C2CD2L: variants seen among roughly 807,000 people sequenced by gnomAD.
The protein encoded by C2CD2L is C2CD2 like, also known as phospholipid transfer protein C2CD2L.
Under a neutral mutation model 69.9 loss-of-function variants are expected in C2CD2L, and 24 were observed. The observed-to-expected ratio is 0.34, with a 90% CI of 0.25 to 0.48. C2CD2L has a LOEUF of 0.48. Ranked by LOEUF, C2CD2L falls within the 20% of genes least tolerant of loss-of-function variation. The pLI is 0.99. For missense variants in C2CD2L, 811 were observed against 941.5 expected (o/e 0.86, Z 1.81); for synonymous variants, 367 against 391.0 (o/e 0.94, Z 0.72).
Position 119,110,672 on chromosome 11 carries a change from C to CGTTGGTGG in C2CD2L, c.562_563insGTTGGTGG (p.Pro188ArgfsTer33). ...CTACCACGTCACTCTGACACTGCCA[C>CGTTGGTGG]CAACACAGGTAGAAGGGGATGTGGG... On this transcript the variant is annotated frameshift_variant, in exon 3 of 14. Coordinates refer to ENST00000648610, the MANE Select transcript of C2CD2L (RefSeq NM_001290474.2). LOFTEE classifies it high-confidence loss of function. This position sits in a 1 kb window ranked among gnomAD's most constrained non-coding sequence, Gnocchi z 5.7. 1 of 1,613,910 alleles carries CGTTGGTGG rather than the reference C, an allele frequency of 6.2e-7. No individual in the cohort carries two copies. Among genetic ancestry groups the CGTTGGTGG allele is most frequent in the Non-Finnish European group, 8.5e-7 (1 of 1,180,018 alleles).
chr11:119,115,254 CAA>C (rs61085631), intron 13 of C2CD2L: 123 of 113,816 alleles, frequency 1.1e-3, no homozygotes, highest in Middle Eastern at 4.6e-3. Flanking sequence ...GACTCTGTCT[CAA>C]AAAAAAAAAA....
Position 119,111,135 on chromosome 11 carries a change from C to A in C2CD2L, c.765C>A (p.Val255=). The A allele has an allele frequency of 6.2e-7, 1 of 1,613,928 alleles. No homozygotes were observed. The highest frequency in any genetic ancestry group is 1.1e-5 in the South Asian group (1 of 91,062). ...TCAGCACCCAGCCAGCCATGATGGT[C>A]AACCTCAGGGCTTGCTCTGCCCCAG... The part of the protein sequence containing the change: ...AIVSTQPAMM[V]NLRACSAPGG... The change falls in exon 5 of 14, where the codon GTC becomes GTA. Residue 255 remains valine (V), a synonymous_variant. Transcript: ENST00000648610.
At chr11:119,105,226 C>T (rs578186387), upstream of C2CD2L, among the ~76,000 whole-genome samples, 1 of 152,242 alleles carries the variant, frequency 6.6e-6, no homozygotes, top group Admixed American at 6.5e-5. Flanking sequence ...AAAGAGATGA[C>T]TAAGACATGG....
chr11:119,105,647 GAAA>G (rs112441104), upstream of C2CD2L, among the ~76,000 whole-genome samples: 16 of 124,056 alleles, frequency 1.3e-4, no homozygotes, highest in East Asian at 1.2e-3. Flanking sequence ...CAAGAAAAGA[GAAA>G]AAAAAAAAAA....
At chr11:119,103,906 C>T (rs1592232329), upstream of C2CD2L, among the ~76,000 whole-genome samples, 4 of 152,298 alleles carry the variant, frequency 2.6e-5, no homozygotes, top group South Asian at 8.3e-4. Context: ...CCCTTTTAAA[C>T]TAGAAACTCC....
Position 119,116,246 on chromosome 11 carries a change from C to T in C2CD2L, c.2111C>T (p.Pro704Leu). ...SKPKANGNPS[P>L]QL ...CCCAAGGCCAATGGTAACCCCAGCCCCCAGCTCTGAGGACCCAGCTCTGAA... is the reference window on the plus strand; with the variant it reads ...CCCAAGGCCAATGGTAACCCCAGCCTCCAGCTCTGAGGACCCAGCTCTGAA... Residue 704 changes from proline to leucine, a missense_variant, in exon 14 of 14, where the codon CCC becomes CTC. By Grantham distance (98) the Pro-to-Leu change is moderately conservative. Transcript: ENST00000648610. The T allele has an allele frequency of 6.2e-7, 1 of 1,613,874 alleles. No individual in the cohort carries two copies. The highest frequency in any genetic ancestry group is 8.5e-7 in the Non-Finnish European group (1 of 1,179,730).
chr11:119,103,082 G>A (rs1946535165), upstream of C2CD2L, among the ~76,000 whole-genome samples: 3 of 151,806 alleles, frequency 2.0e-5, no homozygotes, highest in South Asian at 6.2e-4. Flanking sequence ...GTAGAGACGG[G>A]ATTTCCCTAT....
chr11:119,114,141 C>T lies in C2CD2L; in HGVS notation c.1685C>T (p.Ser562Leu). 6.2e-7 allele frequency: 1 copy of T among 1,614,172 alleles called. No homozygotes were observed. The highest frequency in any genetic ancestry group is 8.5e-7 in the Non-Finnish European group (1 of 1,180,026). The part of the protein sequence containing the change: ...SLGYAASLEA[S>L]VQDDAGTSGG... Reference sequence around the variant, plus strand: ...GGCTATGCGGCATCCCTGGAAGCCTCAGTGCAGGATGATGCAGGGACCAGC... The same window carrying T: ...GGCTATGCGGCATCCCTGGAAGCCTTAGTGCAGGATGATGCAGGGACCAGC... Residue 562 changes from serine (S) to leucine (L), a missense_variant, in exon 13 of 14, where the codon TCA becomes TTA. By Grantham distance (145) the Ser-to-Leu change is moderately radical (BLOSUM62 -2). Coordinates refer to ENST00000648610, the MANE Select transcript of C2CD2L (RefSeq NM_001290474.2). The surrounding 1 kb of genome is among the most constrained non-coding windows in gnomAD (Gnocchi z 5.1).
At chr11:119,103,594 G>A (rs953208503), upstream of C2CD2L, among the ~76,000 whole-genome samples, 4 of 152,124 alleles carry the variant, frequency 2.6e-5, no homozygotes, top group African/African-American at 9.7e-5. Context: ...CTACTCAGGA[G>A]GCTGAGGCAG....
Position 119,112,336 on chromosome 11 carries a change from G to A in C2CD2L, c.1028G>A (p.Gly343Asp), listed in dbSNP as rs763588684. ...CTCCTCTTGTCCCACAGGGATCTGG[G>A]CCCCCAGAGCCGGGAGCTGACCCTC... ...EWTEDLALDLGPQSRELTLKV... is the reference protein window; with the variant it reads ...EWTEDLALDLDPQSRELTLKV... Residue 343 changes from glycine (G) to aspartate (D), a missense_variant, in exon 8 of 14, where the codon GGC becomes GAC. By Grantham distance (94) the Gly-to-Asp change is moderately conservative. Coordinates refer to ENST00000648610, the MANE Select transcript of C2CD2L (RefSeq NM_001290474.2). The A allele has an allele frequency of 6.2e-7, 1 of 1,612,482 alleles. No individual in the cohort carries two copies. Among genetic ancestry groups the A allele is most frequent in the Non-Finnish European group, 8.5e-7 (1 of 1,179,738 alleles).
chr11:119,114,240 C>T lies in C2CD2L; in HGVS notation c.1784C>T (p.Thr595Ile), dbSNP rs1372810044. 3 of 1,614,050 alleles carry T rather than the reference C, an allele frequency of 1.9e-6. No individual in the cohort carries two copies. Among genetic ancestry groups the T allele is most frequent in the Non-Finnish European group, 2.5e-6 (3 of 1,180,044 alleles). Residue 595 changes from threonine to isoleucine, a missense_variant, in exon 13 of 14, where the codon ACA becomes ATA. Physicochemically the swap from Thr to Ile is moderately conservative, Grantham distance 89 (BLOSUM62 -1). Transcript: ENST00000648610. The surrounding 1 kb of genome is among the most constrained non-coding windows in gnomAD (Gnocchi z 5.1). ...PGPLDALSSP[T>I]SVQEADETTR... ...CCGCTAGATGCCCTCTCTAGTCCCACAAGTGTCCAGGAAGCAGACGAGACA... is the reference window on the plus strand; with the variant it reads ...CCGCTAGATGCCCTCTCTAGTCCCATAAGTGTCCAGGAAGCAGACGAGACA...
intron 1 of C2CD2L, chr11:119,108,349 G>T: frequency 2.2e-6 from 1 of 446,876 alleles, no homozygotes. Context: ...TGTTCTCATA[G>T]CAACGCTAAT....
chr11:119,114,536 C>T lies in C2CD2L; in HGVS notation c.1909+171C>T, dbSNP rs981320424. 6.3e-6 allele frequency: 4 copies of T among 637,562 alleles called. No homozygotes were observed. Among genetic ancestry groups the T allele is most frequent in the Non-Finnish European group, 8.1e-6 (3 of 368,866 alleles). 39.5% of individuals were successfully genotyped at this position (637,562 alleles called of 1,614,324 possible). ...GGGATCTTGGTGCCTTGGTTCCTGG[C>T]CTAGATCTGACATGCTTGTGATAGG... On this transcript the variant is annotated intron_variant, in intron 13 of 13. Transcript: ENST00000648610. The surrounding 1 kb of genome is among the most constrained non-coding windows in gnomAD (Gnocchi z 5.1).
At chr11:119,103,718 A>G (rs1324477691), upstream of C2CD2L, among the ~76,000 whole-genome samples, 1 of 152,138 alleles carries the variant, frequency 6.6e-6, no homozygotes, top group Admixed American at 6.5e-5. Flanking sequence ...CAAACAAACT[A>G]AATCAGATGT....
At chr11:119,113,536 A>C in intron 10 of C2CD2L, 75 bp from the exon 11 acceptor site, 1 of 1,518,538 alleles carries the variant, frequency 6.6e-7, no homozygotes, top group Non-Finnish European at 8.8e-7. Context: ...CAAAGTCTGC[A>C]TCTCAACAAA....
intron 7 of C2CD2L, 61 bp from the exon 8 acceptor site, chr11:119,112,267 T>C: frequency 1.4e-6 from 2 of 1,469,286 alleles, no homozygotes; most frequent in African/African-American, 1.4e-5. Flanking sequence ...TGTGATCCAC[T>C]CAAGTGTGGG....
intron 10 of C2CD2L, 93 bp downstream of exon 10, chr11:119,112,967 C>A: frequency 1.9e-6 from 2 of 1,032,438 alleles, no homozygotes; most frequent in Non-Finnish European, 1.4e-6. Flanking sequence ...AGCCTTAATT[C>A]CAACTCCCCC....
upstream of C2CD2L, among the ~76,000 whole-genome samples, chr11:119,103,435 G>A (rs1332842911): frequency 2.6e-5 from 4 of 152,274 alleles, no homozygotes; most frequent in African/African-American, 4.8e-5. Context: ...AGTGGCTAAC[G>A]TCTGTAATCC....
In C2CD2L at chr11:119,107,624, G is replaced by A. The variant is rs1946619956; in HGVS notation, c.-118G>A. The A allele has an allele frequency of 3.8e-6, 2 of 528,942 alleles. No homozygotes were observed. Among genetic ancestry groups the A allele is most frequent in the Non-Finnish European group, 6.1e-6 (2 of 326,860 alleles). 32.8% of individuals were successfully genotyped at this position (528,942 alleles called of 1,614,324 possible). A position where few individuals can be genotyped will look rare whatever the true frequency, so the allele number is the denominator to read the frequency against. ...GGGCACTCAGCCGCGGAGAGCCCCC[G>A]ACCCCGCGCGCCCAGCCCCGGGGGA... On this transcript the variant is annotated 5_prime_UTR_variant, in exon 1 of 14. Transcript: ENST00000648610. This position sits in a 1 kb window ranked among gnomAD's most constrained non-coding sequence, Gnocchi z 5.4.
Sources: gnomAD v4.1 joint callset for allele counts (sites outside exome capture counted in the v4.1 genomes callset) on GRCh38, gnomAD v4.1.1 for gene constraint, Gnocchi (gnomAD v3.1) non-coding constraint, MANE v1.5 for transcripts, NCBI Gene and HGNC (gene_info 2026-07-23, HGNC 2026-07-21) for gene names.